Variants in SGIP1 observed in about 807,000 individuals in gnomAD.
SGIP1 encodes the protein SH3GL interacting endocytic adaptor 1, also known as SH3-containing GRB2-like protein 3-interacting protein 1.
A neutral mutation model predicts 107.5 loss-of-function variants in SGIP1; 38 were observed. The observed-to-expected ratio is 0.35, with a 90% CI of 0.27 to 0.46. The LOEUF is 0.46. SGIP1 is among the 20% of genes least tolerant of loss of function. The pLI, the probability that SGIP1 is intolerant of heterozygous loss-of-function variation, is 1.00. For missense variants in SGIP1, 929 were observed against 1,019.5 expected (o/e 0.91, Z 1.21); for synonymous variants, 365 against 366.1 (o/e 1.00, Z 0.03).
At chr1:66,729,837 T>C (rs1284001489) in intron 20 of SGIP1, among the ~76,000 whole-genome samples, 1 of 152,226 alleles carries the variant, frequency 6.6e-6, no homozygotes, top group Non-Finnish European at 1.5e-5. Flanking sequence ...AGTCTTGCTC[T>C]GTTGCCTAGG....
intron 4 of SGIP1, among the ~76,000 whole-genome samples, chr1:66,636,663 C>T (rs751015027): frequency 6.6e-5 from 10 of 152,144 alleles, no homozygotes; most frequent in Admixed American, 1.3e-4. Context: ...TCTATTGGGC[C>T]GTGCTGTTCT....
intron 1 of SGIP1, among the ~76,000 whole-genome samples, chr1:66,585,698 G>A (rs1048695826): frequency 1.3e-5 from 2 of 151,594 alleles, no homozygotes; most frequent in Non-Finnish European, 2.9e-5. Flanking sequence ...TCGTGTTGGC[G>A]AGGCTGGTCT....
intron 19 of SGIP1, among the ~76,000 whole-genome samples, chr1:66,724,863 CT>C (rs2093687667): frequency 6.6e-6 from 1 of 152,200 alleles, no homozygotes; most frequent in South Asian, 2.1e-4. Flanking sequence ...TGAGCCACCA[CT>C]GCTAATAACA....
At position 66,534,351 on chromosome 1, in the gene SGIP1, C is replaced by T. The variant is rs2053052476; in HGVS notation, c.-8C>T. ...TCCTTGGAAATTAAGGAATGCAATT[C>T]TGCCACCATGATGGAAGGTAGGATG... On this transcript the variant is annotated 5_prime_UTR_variant, in exon 1 of 25. Transcript: ENST00000371037. The T allele has an allele frequency of 6.2e-7, 1 of 1,614,150 alleles. No individual in the cohort carries two copies. The highest frequency in any genetic ancestry group is 1.7e-5 in the Admixed American group (1 of 60,024).
chr1:66,700,207 C>T (rs1202765652), intron 18 of SGIP1, among the ~76,000 whole-genome samples: 2 of 152,004 alleles, frequency 1.3e-5, no homozygotes, highest in Non-Finnish European at 2.9e-5. Context: ...CCCGCCTCTA[C>T]TAACAATACA....
chr1:66,677,271 T>C (rs2085605503), intron 13 of SGIP1, among the ~76,000 whole-genome samples, 175 bp downstream of exon 13: 1 of 152,256 alleles, frequency 6.6e-6, no homozygotes. Context: ...GGGCAGGTTA[T>C]GAAGACAGGA....
At chr1:66,663,410 G>A (rs1043312721) in intron 8 of SGIP1, among the ~76,000 whole-genome samples, 11 of 152,274 alleles carry the variant, frequency 7.2e-5, no homozygotes, top group Middle Eastern at 3.4e-3. Flanking sequence ...AATGATGGGA[G>A]AAAGGGTAAA....
At chr1:66,622,330 G>A (rs970531460) in intron 1 of SGIP1, among the ~76,000 whole-genome samples, 5 of 152,248 alleles carry the variant, frequency 3.3e-5, no homozygotes, top group South Asian at 4.1e-4. Context: ...GGCAACATAC[G>A]CATCCAGGGC....
chr1:66,615,418 C>A (rs1029501566), intron 1 of SGIP1, among the ~76,000 whole-genome samples: 6 of 152,174 alleles, frequency 3.9e-5, no homozygotes, highest in Non-Finnish European at 5.9e-5. Flanking sequence ...CAGGTGTGAG[C>A]CACTGCACAT....
chr1:66,630,816 A>AAAG (rs2074137630), intron 2 of SGIP1, among the ~76,000 whole-genome samples: 2 of 5,084 alleles, frequency 3.9e-4, no homozygotes, highest in Non-Finnish European at 6.0e-4. Flanking sequence ...AGAAAGAAAG[A>AAAG]AAGAAAGAAA....
intron 19 of SGIP1, among the ~76,000 whole-genome samples, chr1:66,728,064 T>C (rs2093839871): frequency 6.6e-6 from 1 of 152,188 alleles, no homozygotes; most frequent in Admixed American, 6.5e-5. Flanking sequence ...AAAGAATTGT[T>C]TTTCCTTCCA....
chr1:66,683,031 A>G (rs896099873), intron 15 of SGIP1, among the ~76,000 whole-genome samples: 13 of 152,216 alleles, frequency 8.5e-5, no homozygotes, highest in African/African-American at 2.7e-4. Flanking sequence ...CACACTCATC[A>G]GGCTATAGGT....
intron 1 of SGIP1, among the ~76,000 whole-genome samples, chr1:66,547,258 C>G (rs1380802135): frequency 6.6e-6 from 1 of 151,890 alleles, no homozygotes; most frequent in African/African-American, 2.4e-5. Flanking sequence ...AAGCACCTTT[C>G]CAAATTTAGT....
At chr1:66,628,790 A>G (rs1412530449) in intron 2 of SGIP1, among the ~76,000 whole-genome samples, 1 of 152,186 alleles carries the variant, frequency 6.6e-6, no homozygotes, top group Non-Finnish European at 1.5e-5. Flanking sequence ...TAGAGGCCCA[A>G]TATCTCTCTG....
At chr1:66,742,268 C>T (rs893119479) in intron 24 of SGIP1, among the ~76,000 whole-genome samples, 51 of 152,062 alleles carry the variant, frequency 3.4e-4, no homozygotes, top group Admixed American at 1.3e-3. Context: ...TTGGCACAAA[C>T]AATGGGGTTT....
At chr1:66,578,456 G>T (rs914821025) in intron 1 of SGIP1, among the ~76,000 whole-genome samples, 1 of 152,286 alleles carries the variant, frequency 6.6e-6, no homozygotes, top group South Asian at 2.1e-4. Flanking sequence ...AACCTGCTTA[G>T]CTATGTGTGA....
At chr1:66,544,282 C>T (rs867110067) in intron 1 of SGIP1, among the ~76,000 whole-genome samples, 1 of 152,176 alleles carries the variant, frequency 6.6e-6, no homozygotes, top group Non-Finnish European at 1.5e-5. Flanking sequence ...TCTATCTCAA[C>T]ATCATATTCC....
At chr1:66,686,484 A>G (rs530271746) in intron 15 of SGIP1, among the ~76,000 whole-genome samples, 1 of 152,310 alleles carries the variant, frequency 6.6e-6, no homozygotes, top group South Asian at 2.1e-4. Context: ...TCTAAGGGGG[A>G]AATGAAAATG....
intron 15 of SGIP1, among the ~76,000 whole-genome samples, chr1:66,683,700 C>CTTTTTTTTTTTTTTTGTTTTTTTTT (rs2087387985): frequency 1.6e-5 from 1 of 61,396 alleles, no homozygotes; most frequent in Non-Finnish European, 3.0e-5. Context: ...TGTTTCTTTT[C>CTTTTTTTTTTTTTTTGTTTTTTTTT]TTTTTTTTTT....
Sources: allele counts gnomAD v4.1 joint callset (sites outside exome capture counted in the v4.1 genomes callset), GRCh38; gene constraint gnomAD v4.1.1; transcripts MANE v1.5; gene names NCBI Gene and HGNC (gene_info 2026-07-23, HGNC 2026-07-21).